The following OSBPL1A variants were observed in gnomAD, a reference collection of about 807,000 sequenced individuals.
OSBPL1A encodes the protein oxysterol binding protein like 1A, also known as oxysterol-binding protein-related protein 1.
OSBPL1A carries 80 observed loss-of-function variants against 137.1 expected under a neutral mutation model. The ratio of observed to expected loss-of-function variants is 0.58; its 90% confidence interval spans 0.49 to 0.70. The LOEUF (loss-of-function observed/expected upper bound fraction) is 0.70. OSBPL1A is among the 30% of genes least tolerant of loss of function. The pLI, the probability that OSBPL1A is intolerant of heterozygous loss-of-function variation, is 0.00. For missense variants in OSBPL1A, 970 were observed against 1,129.4 expected (o/e 0.86, Z 2.02); for synonymous variants, 365 against 389.7 (o/e 0.94, Z 0.75).
intron 4 of OSBPL1A, among the ~76,000 whole-genome samples, chr18:24,363,203 G>A (rs2091650541): frequency 6.6e-6 from 1 of 152,122 alleles, no homozygotes; most frequent in South Asian, 2.1e-4. Flanking sequence ...AGAAAGAAAT[G>A]TGTTACCTCA....
intron 15 of OSBPL1A, among the ~76,000 whole-genome samples, chr18:24,251,676 C>A (rs1171132957): frequency 1.3e-5 from 2 of 152,162 alleles, no homozygotes; most frequent in African/African-American, 4.8e-5. Context: ...CAAAGAACAT[C>A]GGCAAGCATC....
chr18:24,242,118 G>A (rs1365251664), intron 15 of OSBPL1A, among the ~76,000 whole-genome samples: 1 of 150,320 alleles, frequency 6.7e-6, no homozygotes, highest in African/African-American at 2.5e-5. Flanking sequence ...ACACACTGGG[G>A]CCTGTTGGGG....
At chr18:24,226,534 AT>A (rs759191248) in intron 16 of OSBPL1A, among the ~76,000 whole-genome samples, 1 of 152,180 alleles carries the variant, frequency 6.6e-6, no homozygotes, top group Non-Finnish European at 1.5e-5. Context: ...CAAACTTCCT[AT>A]TTCAATAAAT....
At chr18:24,163,354 C>A in intron 27 of OSBPL1A, 73 bp from the exon 28 acceptor site, 1 of 1,081,670 alleles carries the variant, frequency 9.2e-7, no homozygotes, top group Non-Finnish European at 1.4e-6. Context: ...CACTAGTTTG[C>A]AGTATTATTC....
rs1364259684 is a variant in OSBPL1A at position 24,334,241 on chromosome 18, T to C, written c.480+4A>G. 6.3e-7 allele frequency: 1 copy of C among 1,599,322 alleles called. No homozygotes were observed. Among genetic ancestry groups the C allele is most frequent in the Admixed American group, 1.8e-5 (1 of 55,758 alleles). ...GTCTTTTGGGGGTTTTTTGTTTGTTTTACCAGAGCTGTGAGTTCTGTTGTT... is the reference window on the plus strand; with the variant it reads ...GTCTTTTGGGGGTTTTTTGTTTGTTCTACCAGAGCTGTGAGTTCTGTTGTT... On this transcript the variant is annotated splice_donor_region_variant and intron_variant, in intron 6 of 27. Transcript: ENST00000319481.
Position 24,239,094 on chromosome 18 carries a change from T to C in OSBPL1A, c.1444+126A>G, listed in dbSNP as rs1456639752. 7.4e-5 allele frequency: 83 copies of C among 1,123,300 alleles called. 2 individuals are homozygous for C. The Middle Eastern group carries it at 1.2e-3, about 17-fold the overall frequency. 69.6% of individuals were successfully genotyped at this position (1,123,300 alleles called of 1,614,324 possible). A position where few individuals can be genotyped will look rare whatever the true frequency, so the allele number is the denominator to read the frequency against. On this transcript the variant is annotated intron_variant, in intron 16 of 27. Transcript: ENST00000319481. ...CTGGGGAGCTATACCAATACATCGCTATCTGTTTATTCCAGGAAACTCTAG... is the reference window on the plus strand; with the variant it reads ...CTGGGGAGCTATACCAATACATCGCCATCTGTTTATTCCAGGAAACTCTAG...
Position 24,332,985 on chromosome 18 carries a change from C to A in OSBPL1A, c.582G>T (p.Lys194Asn). 6.2e-7 allele frequency: 1 copy of A among 1,614,166 alleles called. No individual in the cohort carries two copies. The highest frequency in any genetic ancestry group is 2.2e-5 in the East Asian group (1 of 44,886). ...AYRAHKQCAL[K>N]LLRSGADPNL... ...TAGGGTCTGCTCCACTTCTTAGAAGCTTTAAGGCACATTGTTTATGGGCCC... is the reference window on the plus strand; with the variant it reads ...TAGGGTCTGCTCCACTTCTTAGAAGATTTAAGGCACATTGTTTATGGGCCC... The change falls in exon 7 of 28, where the codon AAG becomes AAT. Residue 194 changes from lysine to asparagine, a missense_variant. Physicochemically the swap from Lys to Asn is moderately conservative, Grantham distance 94 (BLOSUM62 0). This residue lies in a region of OSBPL1A where 647 missense variants were observed against 672.6 expected (regional missense o/e 0.96). Coordinates refer to ENST00000319481, the MANE Select transcript of OSBPL1A (RefSeq NM_080597.4).
intron 15 of OSBPL1A, among the ~76,000 whole-genome samples, chr18:24,254,249 C>T (rs1335043384): frequency 6.6e-6 from 1 of 152,134 alleles, no homozygotes; most frequent in African/African-American, 2.4e-5. Context: ...ATAATAATTG[C>T]CGGAGGTCAC....
At chr18:24,350,028 T>G (rs533593607) in intron 4 of OSBPL1A, among the ~76,000 whole-genome samples, 3 of 152,156 alleles carry the variant, frequency 2.0e-5, no homozygotes, top group Non-Finnish European at 4.4e-5. Flanking sequence ...ACACCAAGGG[T>G]GAAGGGAAGA....
intron 5 of OSBPL1A, among the ~76,000 whole-genome samples, chr18:24,335,283 C>T (rs1046215054): frequency 3.3e-5 from 5 of 152,148 alleles, no homozygotes; most frequent in African/African-American, 1.2e-4. Context: ...TCATTAACTA[C>T]TCTGAGGTAG....
chr18:24,186,048 A>G (rs2145930249), intron 18 of OSBPL1A, among the ~76,000 whole-genome samples: 1 of 152,296 alleles, frequency 6.6e-6, no homozygotes, highest in East Asian at 1.9e-4. Context: ...AGCCTGGGTG[A>G]CACAGCAAGA....
At chr18:24,355,060 CA>C (rs1295944670) in intron 4 of OSBPL1A, among the ~76,000 whole-genome samples, 2 of 152,044 alleles carry the variant, frequency 1.3e-5, no homozygotes, top group African/African-American at 4.8e-5. Context: ...ACAGCAGCCC[CA>C]GACCCTGAAG....
chr18:24,165,298 C>G (rs926539524), intron 26 of OSBPL1A, 143 bp from the exon 27 acceptor site: 1 of 768,738 alleles, frequency 1.3e-6, no homozygotes, highest in Non-Finnish European at 2.1e-6. Context: ...AATCAAATAT[C>G]AAGCAAAAAT....
At chr18:24,231,482 G>T (rs546691714) in intron 16 of OSBPL1A, among the ~76,000 whole-genome samples, 1 of 152,078 alleles carries the variant, frequency 6.6e-6, no homozygotes, top group Admixed American at 6.5e-5. Flanking sequence ...TAGAGATGGG[G>T]TTTCACCATG....
chr18:24,232,627 A>T (rs2088316579), intron 16 of OSBPL1A, among the ~76,000 whole-genome samples: 2 of 152,238 alleles, frequency 1.3e-5, no homozygotes, highest in South Asian at 2.1e-4. Context: ...GTTTCTCAAC[A>T]TTATTTTTAG....
chr18:24,369,162 G>C (rs1420898017), intron 2 of OSBPL1A, among the ~76,000 whole-genome samples: 4 of 152,148 alleles, frequency 2.6e-5, no homozygotes, highest in African/African-American at 9.7e-5. Context: ...TACAGATAGT[G>C]CCTGAAAGTG....
intron 4 of OSBPL1A, chr18:24,357,242 G>C (rs2091552437): frequency 6.6e-6 from 1 of 152,164 alleles, no homozygotes; most frequent in Non-Finnish European, 1.5e-5. Flanking sequence ...AGGATATTGA[G>C]AAGTACACAA....
At chr18:24,232,658 A>C (rs1230247590) in intron 16 of OSBPL1A, among the ~76,000 whole-genome samples, 1 of 152,178 alleles carries the variant, frequency 6.6e-6, no homozygotes, top group Non-Finnish European at 1.5e-5. Flanking sequence ...TTATGCATTA[A>C]CTCTACAAAG....
chr18:24,391,237 CAA>C lies in OSBPL1A; in HGVS notation c.-3+6416_-3+6417del, dbSNP rs927613386. 5.3e-5 allele frequency among the ~76,000 whole-genome samples: 8 copies of C among 152,128 alleles called. No individual in the cohort carries two copies. The East Asian group carries it at 1.5e-3, about 29-fold the overall frequency. The stretch of plus-strand genomic sequence containing the variant: ...ACTTAGATGAGACAGCTAAAATAGT[CAA>C]AGTCATACAGACAAAACATAGAATG... On this transcript the variant is annotated intron_variant, in intron 1 of 27. Coordinates refer to ENST00000319481, the MANE Select transcript of OSBPL1A (RefSeq NM_080597.4).
Sources: allele counts gnomAD v4.1 joint callset (sites outside exome capture counted in the v4.1 genomes callset), GRCh38; gene constraint gnomAD v4.1.1; regional missense constraint gnomAD v4.1.1; transcripts MANE v1.5; gene names NCBI Gene and HGNC (gene_info 2026-07-23, HGNC 2026-07-21).